CMKLR1: variants seen among roughly 807,000 people sequenced by gnomAD.
CMKLR1 encodes chemerin-like receptor 1.
Under a neutral mutation model 8.2 loss-of-function variants are expected in CMKLR1, and 6 were observed. The observed-to-expected ratio is 0.73, with a 90% CI of 0.40 to 1.44. The LOEUF (loss-of-function observed/expected upper bound fraction) is 1.44. CMKLR1 is among the 40% of genes most tolerant of loss of function. The pLI is 0.02. For synonymous variants in CMKLR1, 178 were observed against 181.2 expected, an observed-to-expected ratio of 0.98 and a Z score of 0.14; for missense variants, 429 against 478.0, an observed-to-expected ratio of 0.90 and a Z score of 0.96.
intron 2 of CMKLR1, among the ~76,000 whole-genome samples, chr12:108,308,415 T>C (rs1292409311): frequency 1.3e-5 from 2 of 152,162 alleles, no homozygotes; most frequent in Admixed American, 6.5e-5. Context: ...AGCTCTCTCT[T>C]CTGCTCATCC....
At chr12:108,335,602 G>A (rs1048767452) in intron 1 of CMKLR1, among the ~76,000 whole-genome samples, 1 of 152,216 alleles carries the variant, frequency 6.6e-6, no homozygotes, top group African/African-American at 2.4e-5. Flanking sequence ...ATTTACAGAT[G>A]AAATTATTGT....
chr12:108,330,555 G>A (rs1334314650), intron 1 of CMKLR1, among the ~76,000 whole-genome samples: 4 of 152,206 alleles, frequency 2.6e-5, no homozygotes, highest in Non-Finnish European at 4.4e-5. Context: ...TCATGTCAAG[G>A]TCAGTGCCAA....
At chr12:108,300,144 C>G (rs1353542945) in intron 2 of CMKLR1, among the ~76,000 whole-genome samples, 1 of 152,190 alleles carries the variant, frequency 6.6e-6, no homozygotes, top group Non-Finnish European at 1.5e-5. Flanking sequence ...TTCTCTTACA[C>G]TATGGACCAG....
intron 1 of CMKLR1, among the ~76,000 whole-genome samples, chr12:108,332,768 C>T (rs1001554762): frequency 2.0e-4 from 30 of 151,994 alleles, no homozygotes; most frequent in Admixed American, 2.6e-4. Context: ...GAGAGTGAAC[C>T]GTAAGAGAAC....
intron 1 of CMKLR1, among the ~76,000 whole-genome samples, chr12:108,331,719 T>G (rs2137344764): frequency 6.6e-6 from 1 of 152,220 alleles, no homozygotes; most frequent in South Asian, 2.1e-4. Context: ...GTCAAAGTGA[T>G]TTGATGTGAC....
chr12:108,338,973 T>G (rs1435305505), intron 1 of CMKLR1, 54 bp downstream of exon 1: 1 of 152,228 alleles, frequency 6.6e-6, no homozygotes, highest in East Asian at 1.9e-4. Flanking sequence ...TTAGTATTCA[T>G]TCCCCTTCCC....
At position 108,292,164 on chromosome 12, in the gene CMKLR1, T is replaced by C; in HGVS notation, c.799A>G (p.Ile267Val). The part of the protein sequence containing the change: ...KPFKIIVTII[I>V]TFFLCWCPYH... ...GGGCACCAGCAGAGGAAGAAGGTAA[T>C]GATGATGGTCACAATAATCTTGAAG... is the stretch of plus-strand genomic sequence containing the variant. The change falls in exon 4 of 4, where the codon ATT becomes GTT. Residue 267 changes from isoleucine (I) to valine (V), a missense_variant. Ile to Val is a conservative substitution (Grantham distance 29). Transcript: ENST00000550402. 3.1e-6 allele frequency: 5 copies of C among 1,614,088 alleles called. No individual in the cohort carries two copies. Among genetic ancestry groups the C allele is most frequent in the Non-Finnish European group, 4.2e-6 (5 of 1,180,018 alleles).
At chr12:108,304,709 T>G (rs1277995370) in intron 2 of CMKLR1, among the ~76,000 whole-genome samples, 1 of 152,218 alleles carries the variant, frequency 6.6e-6, no homozygotes, top group African/African-American at 2.4e-5. Flanking sequence ...CTCCACCTCC[T>G]GCACACCGGT....
At chr12:108,305,041 C>A (rs1461085655) in intron 2 of CMKLR1, among the ~76,000 whole-genome samples, 1 of 152,250 alleles carries the variant, frequency 6.6e-6, no homozygotes, top group African/African-American at 2.4e-5. Flanking sequence ...GCTCAGACAC[C>A]TCTCCTCCAA....
chr12:108,296,693 A>G (rs1382187259), intron 2 of CMKLR1, among the ~76,000 whole-genome samples: 3 of 152,120 alleles, frequency 2.0e-5, no homozygotes, highest in African/African-American at 7.2e-5. Flanking sequence ...AGGCATGGCA[A>G]CACGTGCCTG....
intron 1 of CMKLR1, among the ~76,000 whole-genome samples, chr12:108,338,267 T>C (rs921096326): frequency 2.0e-5 from 3 of 152,010 alleles, no homozygotes; most frequent in Admixed American, 6.5e-5. Flanking sequence ...TAGATATCAA[T>C]TGGAAAAAGA....
intron 1 of CMKLR1, among the ~76,000 whole-genome samples, chr12:108,333,786 G>A (rs147823762): frequency 6.6e-6 from 1 of 152,332 alleles, no homozygotes; most frequent in African/African-American, 2.4e-5. Flanking sequence ...ATAGCACCAC[G>A]TAGAATTACT....
chr12:108,312,054 G>A (rs750585521), intron 2 of CMKLR1, among the ~76,000 whole-genome samples: 41 of 152,200 alleles, frequency 2.7e-4, no homozygotes, highest in Admixed American at 5.2e-4. Flanking sequence ...GGTGACAAGA[G>A]GAAAGAGACC....
At chr12:108,304,632 T>C (rs1891360555) in intron 2 of CMKLR1, among the ~76,000 whole-genome samples, 1 of 152,154 alleles carries the variant, frequency 6.6e-6, no homozygotes, top group African/African-American at 2.4e-5. Context: ...CCTCTCCGTC[T>C]CTTCCATCTC....
At chr12:108,324,494 T>C (rs1891937233) in intron 2 of CMKLR1, among the ~76,000 whole-genome samples, 1 of 151,922 alleles carries the variant, frequency 6.6e-6, no homozygotes, top group South Asian at 2.1e-4. Flanking sequence ...ACCCCAAGTT[T>C]CTCCAAGCAA....
At chr12:108,312,785 T>G (rs1891618498) in intron 2 of CMKLR1, among the ~76,000 whole-genome samples, 1 of 152,076 alleles carries the variant, frequency 6.6e-6, no homozygotes, top group Non-Finnish European at 1.5e-5. Flanking sequence ...ATATCAGTTG[T>G]CCCCACCTGT....
chr12:108,293,644 C>T lies in CMKLR1; in HGVS notation c.-53G>A. 1 of 1,535,772 alleles carries T rather than the reference C, an allele frequency of 6.5e-7. No individual in the cohort carries two copies. The highest frequency in any genetic ancestry group is 2.4e-5 in the East Asian group (1 of 40,820). On this transcript the variant is annotated 5_prime_UTR_variant, in exon 3 of 4. Coordinates refer to ENST00000550402, the MANE Select transcript of CMKLR1 (RefSeq NM_001142343.2). ...AATGTGAGTCCTCAGCCAATCAGTC[C>T]CTGTACACAGCTAGAAACACCTGTA...
At chr12:108,303,961 G>C (rs1415122836) in intron 2 of CMKLR1, among the ~76,000 whole-genome samples, 1 of 152,210 alleles carries the variant, frequency 6.6e-6, no homozygotes, top group East Asian at 1.9e-4. Flanking sequence ...GTGGGTGAGA[G>C]CACACCTTTT....
intron 2 of CMKLR1, among the ~76,000 whole-genome samples, chr12:108,301,103 G>A (rs1891258022): frequency 8.5e-6 from 1 of 118,182 alleles, no homozygotes; most frequent in African/African-American, 3.3e-5. Flanking sequence ...TTGAGACGAA[G>A]TCTCACTCTG....
Sources: gnomAD v4.1 joint callset for allele counts (sites outside exome capture counted in the v4.1 genomes callset) on GRCh38, gnomAD v4.1.1 for gene constraint, MANE v1.5 for transcripts, NCBI Gene and HGNC (gene_info 2026-07-23, HGNC 2026-07-21) for gene names.